CDH19: variants seen among roughly 807,000 people sequenced by gnomAD.
The protein encoded by CDH19 is cadherin 19.
In CDH19, 67 loss-of-function variants were observed where a neutral mutation model predicts 64.2. The ratio of observed to expected loss-of-function variants is 1.04; its 90% CI spans 0.86 to 1.28. The LOEUF (loss-of-function observed/expected upper bound fraction) is 1.28. Ranked by LOEUF, CDH19 falls within the 50% of genes most tolerant of loss-of-function variation. CDH19 has a pLI of 0.00. For synonymous variants in CDH19, 346 were observed against 319.3 expected, an observed-to-expected ratio of 1.08 and a Z score of -0.89; for missense variants, 1,030 against 929.0, an observed-to-expected ratio of 1.11 and a Z score of -1.41.
Position 66,504,375 on chromosome 18 carries a change from A to AT in CDH19, c.*436dup, listed in dbSNP as rs1985079385. The AT allele has an allele frequency of 6.8e-6, 1 of 146,468 alleles. No individual in the cohort carries two copies. Among genetic ancestry groups the AT allele is most frequent in the African/African-American group, 2.5e-5 (1 of 39,448 alleles). The allele number at this position is 146,468 out of a possible 1,614,324, so 9.1% of individuals were successfully genotyped here. ...AAATTTCTCTGACTATACATTTTCAATTTTCATGTCAATATGATAGAAATG... is the reference window on the plus strand; with the variant it reads ...AAATTTCTCTGACTATACATTTTCAATTTTTCATGTCAATATGATAGAAATG... On this transcript the variant is annotated 3_prime_UTR_variant, in exon 12 of 12. Coordinates refer to ENST00000262150, the MANE Select transcript of CDH19 (RefSeq NM_021153.4).
At chr18:66,582,957 T>A (rs1055891506) in intron 1 of CDH19, among the ~76,000 whole-genome samples, 1 of 152,088 alleles carries the variant, frequency 6.6e-6, no homozygotes, top group Non-Finnish European at 1.5e-5. Flanking sequence ...GTTAAATAAA[T>A]GCTGGTGAAA....
chr18:66,583,291 T>C (rs1339248786), intron 1 of CDH19, among the ~76,000 whole-genome samples: 1 of 152,076 alleles, frequency 6.6e-6, no homozygotes, highest in Non-Finnish European at 1.5e-5. Context: ...GCATCTGAAA[T>C]TTATAGGGTT....
rs931903655 is a variant in CDH19, at chr18:66,504,033, A to G, written c.*779T>C. 1 of 152,018 alleles carries G rather than the reference A, an allele frequency of 6.6e-6. No individual in the cohort carries two copies. Among genetic ancestry groups the G allele is most frequent in the African/African-American group, 2.4e-5 (1 of 41,466 alleles). The allele number at this position is 152,018 out of a possible 1,614,324, so 9.4% of individuals were successfully genotyped here. A position where few individuals can be genotyped will look rare whatever the true frequency, so the allele number is the denominator to read the frequency against. On this transcript the variant is annotated 3_prime_UTR_variant, in exon 12 of 12. Transcript: ENST00000262150. ...AAGATGAAAATTGAGTAAATAAAAT[A>G]ACACTAAGATATCTTAATTCAGTGC...
At chr18:66,523,939 G>A (rs960260051) in intron 9 of CDH19, among the ~76,000 whole-genome samples, 6 of 151,978 alleles carry the variant, frequency 3.9e-5, no homozygotes, top group Non-Finnish European at 8.8e-5. Context: ...CGTAATTCCT[G>A]TGCACAGCGC....
At chr18:66,533,827 T>A (rs1986551336) in intron 8 of CDH19, among the ~76,000 whole-genome samples, 1 of 152,066 alleles carries the variant, frequency 6.6e-6, no homozygotes, top group Admixed American at 6.6e-5. Flanking sequence ...GCTAGATGAT[T>A]TTTAAAACAG....
chr18:66,529,689 T>C (rs1168014431), intron 9 of CDH19, among the ~76,000 whole-genome samples, 156 bp downstream of exon 9: 3 of 147,812 alleles, frequency 2.0e-5, no homozygotes, highest in Non-Finnish European at 4.5e-5. Context: ...GAATATAATA[T>C]AATATAGAAT....
At chr18:66,558,032 A>G (rs1008020462) in intron 3 of CDH19, among the ~76,000 whole-genome samples, 2 of 151,614 alleles carry the variant, frequency 1.3e-5, no homozygotes, top group Admixed American at 1.3e-4. Context: ...GCTCCTTATT[A>G]GTGCAACTCC....
At chr18:66,527,344 A>G (rs1986262543) in intron 9 of CDH19, among the ~76,000 whole-genome samples, 1 of 152,086 alleles carries the variant, frequency 6.6e-6, no homozygotes, top group African/African-American at 2.4e-5. Context: ...TATGAATTGA[A>G]TACTTTTCAT....
rs1324957027 is a variant in CDH19 at position 66,551,089 on chromosome 18, C to T, written c.775+5G>A. 3.4e-6 allele frequency: 5 copies of T among 1,487,914 alleles called. No individual in the cohort carries two copies. The highest frequency in any genetic ancestry group is 2.3e-5 in the East Asian group (1 of 44,088). 92.2% of individuals were successfully genotyped at this position (1,487,914 alleles called of 1,614,324 possible). ...TAATGAAGATGTAGAATCCTTTTTA[C>T]TTACTTTCTTTAAATATAGGCTTAT... On this transcript the variant is annotated splice_donor_5th_base_variant and intron_variant, in intron 5 of 11. Coordinates refer to ENST00000262150, the MANE Select transcript of CDH19 (RefSeq NM_021153.4).
intron 3 of CDH19, among the ~76,000 whole-genome samples, chr18:66,564,130 T>A (rs1987819684): frequency 6.6e-6 from 1 of 151,890 alleles, no homozygotes; most frequent in Admixed American, 6.6e-5. Context: ...AGATTTTCCA[T>A]ACAAAGCTTA....
chr18:66,543,656 C>T (rs549771508), intron 7 of CDH19, among the ~76,000 whole-genome samples: 1 of 151,838 alleles, frequency 6.6e-6, no homozygotes, highest in Non-Finnish European at 1.5e-5. Flanking sequence ...AGGCCGAGGC[C>T]GGTGGATCAC....
In CDH19 at chr18:66,552,664, T is replaced by C. The variant is rs865899747; in HGVS notation, c.611-1406A>G. Among the ~76,000 whole-genome samples, 4 of 134,930 alleles carry C rather than the reference T, an allele frequency of 3.0e-5. 1 individual carries two copies. The highest frequency in any genetic ancestry group is 6.8e-5 in the African/African-American group (2 of 29,274). The allele number at this position is 134,930 out of a possible 152,430, so 88.5% of individuals were successfully genotyped here. A position where few individuals can be genotyped will look rare whatever the true frequency, so the allele number is the denominator to read the frequency against. On this transcript the variant is annotated intron_variant, in intron 4 of 11. Coordinates refer to ENST00000262150, the MANE Select transcript of CDH19 (RefSeq NM_021153.4). The stretch of plus-strand genomic sequence containing the variant: ...ATAAAGGATATGTATTTCTGGATCT[T>C]ATGCACTTCAGAACTTATGCTTTCA...
chr18:66,548,875 G>C (rs8086334), intron 5 of CDH19, among the ~76,000 whole-genome samples: 2,217 of 152,262 alleles, frequency 0.015, 49 homozygotes, highest in African/African-American at 0.05. Flanking sequence ...TTTAGGATGT[G>C]AGAAAAAACA....
chr18:66,506,668 T>C (rs1985214936), intron 11 of CDH19, among the ~76,000 whole-genome samples: 1 of 151,802 alleles, frequency 6.6e-6, no homozygotes, highest in Admixed American at 6.6e-5. Flanking sequence ...TAAAAATGTG[T>C]GTGTGTGTCT....
At chr18:66,550,726 C>G (rs188461811) in intron 5 of CDH19, among the ~76,000 whole-genome samples, 1 of 152,184 alleles carries the variant, frequency 6.6e-6, no homozygotes, top group East Asian at 1.9e-4. Context: ...ATCAATAAAA[C>G]AGAGACCTTA....
intron 7 of CDH19, 42 bp downstream of exon 7, chr18:66,543,929 A>T (rs1257732020): frequency 7.2e-7 from 1 of 1,383,962 alleles, no homozygotes. Flanking sequence ...TCTATTTTAT[A>T]TTTACTTATT....
At position 66,523,099 on chromosome 18, in the gene CDH19, A is replaced by G; in HGVS notation, c.1458+6746T>C. The stretch of plus-strand genomic sequence containing the variant: ...TAGGAATTAATTGGACAGGTTTTCC[A>G]ATTTTATTTACTGACAATTCCATCT... On this transcript the variant is annotated intron_variant, in intron 9 of 11. Coordinates refer to ENST00000262150, the MANE Select transcript of CDH19 (RefSeq NM_021153.4). 1.3e-5 allele frequency among the ~76,000 whole-genome samples: 2 copies of G among 152,164 alleles called. 1 individual carries two copies. Among genetic ancestry groups the G allele is most frequent in the Non-Finnish European group, 2.9e-5 (2 of 68,028 alleles).
chr18:66,573,214 A>G lies in CDH19; in HGVS notation c.-112-898T>C, dbSNP rs1988160651. Among the ~76,000 whole-genome samples, 3 of 151,668 alleles carry G rather than the reference A, an allele frequency of 2.0e-5. No homozygotes were observed. In the Admixed American group the frequency reaches 2.0e-4, roughly 10 times the overall value. On this transcript the variant is annotated intron_variant, in intron 1 of 11. Transcript: ENST00000262150. Reference sequence around the variant, plus strand: ...TTGATTTATTTTATGAAGAAAAATAATTTTGTAAGATTCACAATGGAGTTT... The same window carrying G: ...TTGATTTATTTTATGAAGAAAAATAGTTTTGTAAGATTCACAATGGAGTTT...
chr18:66,532,766 T>C, intron 8 of CDH19: 1 of 449,518 alleles, frequency 2.2e-6, no homozygotes, highest in South Asian at 1.6e-5. Context: ...TGTTCTAAGT[T>C]GTAGAACTAC....
Sources: gnomAD v4.1 joint callset for allele counts (sites outside exome capture counted in the v4.1 genomes callset) on GRCh38, gnomAD v4.1.1 for gene constraint, MANE v1.5 for transcripts, NCBI Gene and HGNC (gene_info 2026-07-23, HGNC 2026-07-21) for gene names.